Variants in TTLL1 observed in about 807,000 individuals in gnomAD.
TTLL1 encodes the protein polyglutamylase complex subunit TTLL1.
A neutral mutation model predicts 47.8 loss-of-function variants in TTLL1; 33 were observed. The observed-to-expected ratio is 0.69, with a 90% CI of 0.52 to 0.92. The LOEUF is 0.92. TTLL1 is among the 40% of genes least tolerant of loss of function. The pLI is 0.00. For missense variants in TTLL1, 488 were observed against 547.5 expected, an observed-to-expected ratio of 0.89 and a Z score of 1.08; for synonymous variants, 225 against 214.1, an observed-to-expected ratio of 1.05 and a Z score of -0.45.
At chr22:43,086,645 A>G (rs2146998337) in intron 1 of TTLL1, among the ~76,000 whole-genome samples, 1 of 152,276 alleles carries the variant, frequency 6.6e-6, no homozygotes, top group Middle Eastern at 3.4e-3. Flanking sequence ...TCAACAACAC[A>G]TCACAGTTCA....
At chr22:43,074,631 A>G (rs538022148) in intron 3 of TTLL1, among the ~76,000 whole-genome samples, 1 of 152,176 alleles carries the variant, frequency 6.6e-6, no homozygotes, top group South Asian at 2.1e-4. Context: ...ACTTGAGTCC[A>G]GGAGTTTGAG....
intron 1 of TTLL1, among the ~76,000 whole-genome samples, chr22:43,086,912 C>G (rs1055355239): frequency 6.6e-6 from 1 of 152,188 alleles, no homozygotes; most frequent in Non-Finnish European, 1.5e-5. Context: ...TAGCTTCATA[C>G]TGCATTCAGA....
chr22:43,079,260 G>A (rs1271728064), intron 2 of TTLL1, among the ~76,000 whole-genome samples: 4 of 134,180 alleles, frequency 3.0e-5, no homozygotes, highest in African/African-American at 5.4e-5. Flanking sequence ...TGGGGGCCAA[G>A]GGAGCCGCAC....
chr22:43,064,041 G>T lies in TTLL1; in HGVS notation c.639-120C>A, dbSNP rs188692989. The T allele has an allele frequency of 1.9e-3, 2,851 of 1,476,930 alleles. 8 individuals carry two copies. The highest frequency in any genetic ancestry group is 2.4e-3 in the Non-Finnish European group (2,590 of 1,074,602). The allele number at this position is 1,476,930 out of a possible 1,614,324, so 91.5% of individuals were successfully genotyped here. ...ATTTACACGACTCACATCGGCATCG[G>T]GCCTGACTGCTCTTACTTCCCTCAA... On this transcript the variant is annotated intron_variant, in intron 6 of 10. Transcript: ENST00000266254.
At chr22:43,063,458 G>A (rs940525425) in intron 7 of TTLL1, among the ~76,000 whole-genome samples, 5 of 144,282 alleles carry the variant, frequency 3.5e-5, no homozygotes, top group Admixed American at 2.1e-4. Flanking sequence ...CCACAAAGTC[G>A]GTCCTTTTTT....
At chr22:43,046,730 C>T (rs1217746606) in intron 9 of TTLL1, among the ~76,000 whole-genome samples, 157 bp from the exon 10 acceptor site, 1 of 152,084 alleles carries the variant, frequency 6.6e-6, no homozygotes, top group South Asian at 2.1e-4. Flanking sequence ...AGTGCAGTGG[C>T]GCAATCTCGG....
At chr22:43,087,333 T>G (rs1929287420) in intron 1 of TTLL1, among the ~76,000 whole-genome samples, 1 of 152,048 alleles carries the variant, frequency 6.6e-6, no homozygotes, top group Admixed American at 6.6e-5. Flanking sequence ...GAGACCAGCC[T>G]GGCTAACATG....
intron 8 of TTLL1, among the ~76,000 whole-genome samples, chr22:43,056,204 CA>C (rs1926989818): frequency 6.6e-6 from 1 of 151,606 alleles, no homozygotes; most frequent in Non-Finnish European, 1.5e-5. Flanking sequence ...ACTAAAAATA[CA>C]AAAATTAGCT....
At chr22:43,049,035 G>A (rs1012236361) in intron 9 of TTLL1, among the ~76,000 whole-genome samples, 1 of 151,676 alleles carries the variant, frequency 6.6e-6, no homozygotes, top group Non-Finnish European at 1.5e-5. Context: ...TGAATACTAT[G>A]TTCACTATTT....
chr22:43,066,158 C>CA (rs34092819), intron 5 of TTLL1, among the ~76,000 whole-genome samples: 2,384 of 93,188 alleles, frequency 0.026, 42 homozygotes, highest in African/African-American at 0.057. Flanking sequence ...GACACTGTCT[C>CA]AAAAAAAAAA....
chr22:43,064,015 G>A, intron 6 of TTLL1, 94 bp from the exon 7 acceptor site: 1 of 1,494,340 alleles, frequency 6.7e-7, no homozygotes, highest in Non-Finnish European at 9.3e-7. Flanking sequence ...TTGTGTGTGT[G>A]ATTTACACGA....
At chr22:43,082,795 C>T (rs1389771190) in intron 1 of TTLL1, among the ~76,000 whole-genome samples, 1 of 151,696 alleles carries the variant, frequency 6.6e-6, no homozygotes, top group Non-Finnish European at 1.5e-5. Context: ...GGGTGGATTA[C>T]CTGAGGTCAG....
chr22:43,051,659 A>G, intron 9 of TTLL1, 142 bp downstream of exon 9: 1 of 795,310 alleles, frequency 1.3e-6, no homozygotes. Context: ...CCATCAGCAA[A>G]CAATCAAACT....
At chr22:43,054,260 G>A (rs886977524) in intron 8 of TTLL1, among the ~76,000 whole-genome samples, 5 of 152,214 alleles carry the variant, frequency 3.3e-5, no homozygotes, top group African/African-American at 1.2e-4. Flanking sequence ...CGGCCCCTAA[G>A]ATGTATCTCC....
chr22:43,053,589 C>T lies in TTLL1; in HGVS notation c.892-1702G>A, dbSNP rs377131303. ...TCTCATGCTGCAGGTTTGGGTTCCT[C>T]GGGGGGTCTCAGAGCCACCTCCCGT... is the stretch of plus-strand genomic sequence containing the variant. On this transcript the variant is annotated intron_variant, in intron 8 of 10. Transcript: ENST00000266254. Among the ~76,000 whole-genome samples the T allele has an allele frequency of 3.3e-3, 496 of 152,298 alleles. 8 individuals are homozygous for T. Among genetic ancestry groups the T allele is most frequent in the Non-Finnish European group, 8.5e-4 (58 of 68,016 alleles).
intron 3 of TTLL1, among the ~76,000 whole-genome samples, chr22:43,075,138 C>G (rs1209691256): frequency 6.6e-6 from 1 of 152,138 alleles, no homozygotes; most frequent in African/African-American, 2.4e-5. Flanking sequence ...GCACTCCAGC[C>G]TGGGTGACAG....
At chr22:43,085,588 T>C (rs1045748787) in intron 1 of TTLL1, among the ~76,000 whole-genome samples, 26 of 152,214 alleles carry the variant, frequency 1.7e-4, no homozygotes, top group African/African-American at 6.0e-4. Context: ...CCATGTATAA[T>C]GTGCCTTTGC....
Position 43,074,967 on chromosome 22 carries a change from G to A in TTLL1, c.113+507C>T, listed in dbSNP as rs186784231. Among the ~76,000 whole-genome samples, 27 of 152,216 alleles carry A rather than the reference G, an allele frequency of 1.8e-4. No homozygotes were observed. In the East Asian group the frequency reaches 5.0e-3, roughly 28 times the overall value. On this transcript the variant is annotated intron_variant, in intron 3 of 10. Coordinates refer to ENST00000266254, the MANE Select transcript of TTLL1 (RefSeq NM_012263.5). ...GAGGCGGGTGGATCACAAAGTTCAA[G>A]ACCAGCCCGGCCAACATGGTGAAAC... is the stretch of plus-strand genomic sequence containing the variant.
intron 8 of TTLL1, among the ~76,000 whole-genome samples, chr22:43,053,219 A>G (rs1223851929): frequency 6.6e-6 from 1 of 152,064 alleles, no homozygotes; most frequent in Admixed American, 6.6e-5. Flanking sequence ...TAGTCAGTGA[A>G]GCATAGAGAC....
Sources: allele counts gnomAD v4.1 joint callset (sites outside exome capture counted in the v4.1 genomes callset), GRCh38; gene constraint gnomAD v4.1.1; transcripts MANE v1.5; gene names NCBI Gene and HGNC (gene_info 2026-07-23, HGNC 2026-07-21).